RARB: variants seen among roughly 807,000 people sequenced by gnomAD.
The protein encoded by RARB is retinoic acid receptor beta, also known as HBV-activated protein.
A neutral mutation model predicts 51.9 loss-of-function variants in RARB; 17 were observed. The observed-to-expected ratio is 0.33, with a 90% confidence interval of 0.22 to 0.49. RARB has a LOEUF of 0.49. RARB is among the 20% of genes least tolerant of loss of function. The pLI, the probability that RARB is intolerant of heterozygous loss-of-function variation, is 0.99. For missense variants in RARB, 369 were observed against 550.8 expected, an observed-to-expected ratio of 0.67 and a Z score of 3.30; for synonymous variants, 215 against 195.4, an observed-to-expected ratio of 1.10 and a Z score of -0.84.
chr3:25,145,341 G>C (rs1396839960), intron 4 of RARB, among the ~76,000 whole-genome samples: 1 of 152,080 alleles, frequency 6.6e-6, no homozygotes, highest in African/African-American at 2.4e-5. Flanking sequence ...TGCTGACCCT[G>C]TGGAAAACTA....
chr3:25,400,193 G>A (rs1025379873), intron 5 of RARB, among the ~76,000 whole-genome samples: 3 of 152,150 alleles, frequency 2.0e-5, no homozygotes, highest in African/African-American at 7.2e-5. Flanking sequence ...ATTCTCCTCT[G>A]TCCATAGACA....
chr3:25,330,496 C>G (rs1019635371), intron 5 of RARB, among the ~76,000 whole-genome samples: 1 of 152,136 alleles, frequency 6.6e-6, no homozygotes, highest in African/African-American at 2.4e-5. Context: ...GCCTGCCCTA[C>G]AAGAGCTCCT....
chr3:24,923,740 C>T (rs960519989), intron 2 of RARB, among the ~76,000 whole-genome samples: 14 of 152,186 alleles, frequency 9.2e-5, no homozygotes, highest in African/African-American at 2.9e-4. Context: ...TGAACATAAA[C>T]GGGCCTGAGC....
chr3:25,163,317 A>G (rs1700503022), intron 4 of RARB, among the ~76,000 whole-genome samples: 1 of 152,044 alleles, frequency 6.6e-6, no homozygotes, highest in South Asian at 2.1e-4. Flanking sequence ...CAGCCTGGGC[A>G]ACATAGGGAA....
At position 25,215,208 on chromosome 3, in the gene RARB, A is replaced by G. The variant is rs188168316; in HGVS notation, c.178+40633A>G. Among the ~76,000 whole-genome samples, 454 of 152,294 alleles carry G rather than the reference A, an allele frequency of 3.0e-3. 4 individuals are homozygous for G. Among genetic ancestry groups the G allele is most frequent in the Non-Finnish European group, 5.0e-3 (338 of 68,018 alleles). ...CCTGGGCAGCAGTTTATCTGAAAGG[A>G]TTCCCAGGTGGTTCTCTGTAGCCAG... On this transcript the variant is annotated intron_variant, in intron 5 of 11. Coordinates refer to the RARB transcript ENST00000383772.
chr3:24,979,967 G>A (rs1441134824), intron 2 of RARB, among the ~76,000 whole-genome samples: 1 of 152,144 alleles, frequency 6.6e-6, no homozygotes, highest in Non-Finnish European at 1.5e-5. Context: ...AGGCCTGGTG[G>A]TGACAAAATC....
At chr3:25,012,361 C>T (rs1020801278) in intron 2 of RARB, among the ~76,000 whole-genome samples, 9 of 152,170 alleles carry the variant, frequency 5.9e-5, no homozygotes, top group South Asian at 2.1e-4. Flanking sequence ...GTGTTTAGAA[C>T]GCTATCCCCA....
intron 5 of RARB, among the ~76,000 whole-genome samples, chr3:25,387,542 C>T (rs1014711542): frequency 6.6e-6 from 1 of 152,164 alleles, no homozygotes; most frequent in Non-Finnish European, 1.5e-5. Flanking sequence ...TTTGTAGTAT[C>T]TTCCACAACT....
chr3:25,470,136 C>T (rs1203588114), intron 2 of RARB, among the ~76,000 whole-genome samples: 2 of 152,106 alleles, frequency 1.3e-5, no homozygotes, highest in Admixed American at 1.3e-4. Context: ...GTCTCCATAC[C>T]TGGTTTGTTT....
chr3:25,357,979 T>C (rs1460874703), intron 5 of RARB, among the ~76,000 whole-genome samples: 1 of 152,242 alleles, frequency 6.6e-6, no homozygotes, highest in Non-Finnish European at 1.5e-5. Flanking sequence ...TAGGATTGTC[T>C]TGGCTATACA....
intron 4 of RARB, among the ~76,000 whole-genome samples, chr3:25,172,469 G>T (rs920047195): frequency 6.6e-6 from 1 of 152,126 alleles, no homozygotes; most frequent in East Asian, 1.9e-4. Context: ...CTCACATATG[G>T]TAAATAGTCA....
intron 2 of RARB, among the ~76,000 whole-genome samples, chr3:24,980,867 C>G (rs1373678259): frequency 6.6e-6 from 1 of 152,148 alleles, no homozygotes; most frequent in Non-Finnish European, 1.5e-5. Context: ...GAATTTTCAG[C>G]CTTTCTGCTC....
intron 5 of RARB, among the ~76,000 whole-genome samples, chr3:25,404,104 G>T (rs1159970515): frequency 6.6e-6 from 1 of 152,220 alleles, no homozygotes; most frequent in South Asian, 2.1e-4. Flanking sequence ...TCAACTGCTC[G>T]ATTCTGATTT....
At chr3:24,949,483 A>G (rs1438443870) in intron 2 of RARB, among the ~76,000 whole-genome samples, 3 of 152,252 alleles carry the variant, frequency 2.0e-5, no homozygotes, top group Admixed American at 1.3e-4. Flanking sequence ...ATAGCAATTT[A>G]AGGTTTGTAA....
chr3:25,106,473 G>GTTTTTGTTTTTGTTTTTTTTTTTTT (rs1559468602), intron 3 of RARB, among the ~76,000 whole-genome samples: 1 of 111,688 alleles, frequency 9.0e-6, no homozygotes, highest in Admixed American at 1.1e-4. Flanking sequence ...TTTTTGTTTT[G>GTTTTTGTTTTTGTTTTTTTTTTTTT]TTTTTTTTTT....
intron 2 of RARB, among the ~76,000 whole-genome samples, chr3:25,468,893 C>T (rs894338833): frequency 6.6e-6 from 1 of 152,186 alleles, no homozygotes; most frequent in Non-Finnish European, 1.5e-5. Flanking sequence ...CTAAGCCAAC[C>T]TTTGGGGGCC....
At chr3:25,206,607 T>G (rs1701553898) in intron 5 of RARB, among the ~76,000 whole-genome samples, 1 of 152,074 alleles carries the variant, frequency 6.6e-6, no homozygotes, top group Non-Finnish European at 1.5e-5. Flanking sequence ...TCCCGTGTGC[T>G]TGAGAAACCC....
At chr3:25,156,265 A>T (rs1164276517) in intron 4 of RARB, among the ~76,000 whole-genome samples, 1 of 152,156 alleles carries the variant, frequency 6.6e-6, no homozygotes, top group Non-Finnish European at 1.5e-5. Flanking sequence ...TAGCTTTGTG[A>T]TCTTCTTTGT....
chr3:25,023,494 G>A lies in RARB; in HGVS notation c.-379-36631G>A, dbSNP rs534222030. Among the ~76,000 whole-genome samples, 15 of 32,970 alleles carry A rather than the reference G, an allele frequency of 4.5e-4. No homozygotes were observed. In the South Asian group the frequency reaches 0.02, roughly 43 times the overall value. 21.6% of individuals were successfully genotyped at this position (32,970 alleles called of 152,430 possible). A position where few individuals can be genotyped will look rare whatever the true frequency, so the allele number is the denominator to read the frequency against. On this transcript the variant is annotated intron_variant, in intron 2 of 11. Coordinates refer to the RARB transcript ENST00000383772. ...TTTATGAGCACTCACAGGATACACC[G>A]ACGCAGCTGAGTTTGCTTCAACATA...
Sources: allele counts gnomAD v4.1 joint callset (sites outside exome capture counted in the v4.1 genomes callset), GRCh38; gene constraint gnomAD v4.1.1; transcripts MANE v1.5; gene names NCBI Gene and HGNC (gene_info 2026-07-23, HGNC 2026-07-21).